LARGE1: variants seen among roughly 807,000 people sequenced by gnomAD.
LARGE1 encodes xylosyl- and glucuronyltransferase LARGE1.
A neutral mutation model predicts 87.6 loss-of-function variants in LARGE1; 43 were observed. The observed-to-expected ratio is 0.49, with a 90% CI of 0.38 to 0.63. The LOEUF (loss-of-function observed/expected upper bound fraction) is 0.63, where lower values mean the gene tolerates loss of function less well. LARGE1 is among the 30% of genes least tolerant of loss of function. The probability of loss-of-function intolerance (pLI) is 0.00; values close to 1 mark genes in which losing one functional copy is unlikely to be tolerated. For missense variants in LARGE1, 802 were observed against 1,000.2 expected (o/e 0.80, Z 2.67); for synonymous variants, 434 against 394.6 (o/e 1.10, Z -1.18).
intron 9 of LARGE1, among the ~76,000 whole-genome samples, chr22:33,339,809 G>C (rs1365814336): frequency 6.6e-6 from 1 of 152,028 alleles, no homozygotes; most frequent in Non-Finnish European, 1.5e-5. Flanking sequence ...GCTGGGACCA[G>C]GCACATGCCA....
chr22:33,719,425 C>T (rs2149433307), intron 2 of LARGE1, among the ~76,000 whole-genome samples: 1 of 152,214 alleles, frequency 6.6e-6, no homozygotes, highest in Non-Finnish European at 1.5e-5. Context: ...CTGACTCACC[C>T]AGAGAAAGAA....
intron 6 of LARGE1, among the ~76,000 whole-genome samples, chr22:33,469,230 A>G (rs2068733115): frequency 6.6e-6 from 1 of 152,222 alleles, no homozygotes; most frequent in Non-Finnish European, 1.5e-5. Context: ...ACACATGCAC[A>G]CATAGGTTCA....
At chr22:33,607,724 G>C (rs2079307322) in intron 4 of LARGE1, among the ~76,000 whole-genome samples, 1 of 152,168 alleles carries the variant, frequency 6.6e-6, no homozygotes, top group Non-Finnish European at 1.5e-5. Context: ...GCTGCTGAAT[G>C]GGTGGGTCTA....
chr22:33,436,730 T>C (rs917414828), intron 6 of LARGE1: 2 of 152,586 alleles, frequency 1.3e-5, no homozygotes, highest in African/African-American at 2.4e-5. Flanking sequence ...CTGTCCCTTC[T>C]TCCAGGAGCC....
the LARGE1 span, among the ~76,000 whole-genome samples, chr22:33,154,645 T>TTC: frequency 3.3e-5 from 5 of 152,350 alleles, no homozygotes; most frequent in South Asian, 1.0e-3. Flanking sequence ...TCATCACTCT[T>TTC]TCTTCCTTTC....
At chr22:33,153,917 C>A in the LARGE1 span, among the ~76,000 whole-genome samples, 8 of 152,142 alleles carry the variant, frequency 5.3e-5, no homozygotes, top group African/African-American at 1.7e-4. Flanking sequence ...GTGAAACCAT[C>A]ATTCTCTAAG....
chr22:33,205,149 CA>C (rs1204234756), intron 11 of LARGE1, among the ~76,000 whole-genome samples: 1 of 152,190 alleles, frequency 6.6e-6, no homozygotes, highest in Non-Finnish European at 1.5e-5. Context: ...AGACCTGTCT[CA>C]GATGCTACCC....
intron 6 of LARGE1, among the ~76,000 whole-genome samples, chr22:33,537,636 G>T (rs746940759): frequency 6.6e-6 from 1 of 152,028 alleles, no homozygotes; most frequent in Non-Finnish European, 1.5e-5. Context: ...GCGCAGTCTC[G>T]GTTCATTCCA....
chr22:33,324,058 C>T (rs1029930368), intron 10 of LARGE1, among the ~76,000 whole-genome samples: 3 of 151,464 alleles, frequency 2.0e-5, no homozygotes, highest in Non-Finnish European at 2.9e-5. Flanking sequence ...GTGGGGAAAC[C>T]CCATCTCTAC....
chr22:33,918,441 T>C (rs188799242), intron 1 of LARGE1, among the ~76,000 whole-genome samples: 1 of 152,358 alleles, frequency 6.6e-6, no homozygotes. Context: ...GTGAGTTTTC[T>C]TCCTGGTATG....
intron 6 of LARGE1, among the ~76,000 whole-genome samples, chr22:33,519,998 C>CTTTTTTTTTTTTTTTTTTTTTTT (rs397868082): frequency 1.0e-5 from 1 of 97,254 alleles, no homozygotes; most frequent in Non-Finnish European, 2.0e-5. Context: ...TGGTTTTTCT[C>CTTTTTTTTTTTTTTTTTTTTTTT]TTTTTTTTTT....
chr22:33,158,718 C>T (rs1302677109), downstream of LARGE1, among the ~76,000 whole-genome samples: 1 of 152,176 alleles, frequency 6.6e-6, no homozygotes, highest in East Asian at 1.9e-4. Flanking sequence ...ATGTCTTCTG[C>T]TATCACTTGC....
chr22:33,787,554 C>T lies in LARGE1; in HGVS notation c.-82-25996G>A, dbSNP rs377112233. The stretch of plus-strand genomic sequence containing the variant: ...TCCAAGTCAACTCCAAAGTCTTCTT[C>T]CAGACCCCATTCACCACAGGCTTTC... On this transcript the variant is annotated intron_variant, in intron 1 of 14. Coordinates refer to ENST00000397394, the MANE Select transcript of LARGE1 (RefSeq NM_133642.5). 5.1e-4 allele frequency among the ~76,000 whole-genome samples: 78 copies of T among 152,354 alleles called. 1 individual carries two copies. Among genetic ancestry groups the T allele is most frequent in the African/African-American group, 1.8e-3 (73 of 41,590 alleles).
intron 7 of LARGE1, among the ~76,000 whole-genome samples, chr22:33,392,091 C>T (rs1316119497): frequency 1.3e-5 from 2 of 151,790 alleles, no homozygotes; most frequent in African/African-American, 4.8e-5. Flanking sequence ...TTCCTATAAC[C>T]AATATCCTCA....
intron 2 of LARGE1, among the ~76,000 whole-genome samples, chr22:33,740,812 C>T (rs2083853466): frequency 6.6e-6 from 1 of 152,174 alleles, no homozygotes; most frequent in African/African-American, 2.4e-5. Context: ...AAAGCAAAAA[C>T]AGTTCATGCC....
the LARGE1 span, among the ~76,000 whole-genome samples, chr22:33,104,891 CTTTCTT>C: frequency 1.5e-3 from 68 of 45,880 alleles, 1 homozygote; most frequent in African/African-American, 5.4e-3. Context: ...CTTTCTCTCT[CTTTCTT>C]TCTTTCTTTC....
intron 11 of LARGE1, among the ~76,000 whole-genome samples, chr22:33,218,969 C>T (rs1925335895): frequency 6.6e-6 from 1 of 152,170 alleles, no homozygotes; most frequent in Admixed American, 6.5e-5. Context: ...ATTTAAGAAT[C>T]AGTTGTGCCT....
intron 1 of LARGE1, among the ~76,000 whole-genome samples, chr22:33,794,419 C>T (rs979842058): frequency 3.3e-5 from 5 of 152,234 alleles, no homozygotes; most frequent in Middle Eastern, 3.4e-3. Flanking sequence ...GAACTGCTCT[C>T]GAAGAGGAGC....
At chr22:33,073,939 G>A in the LARGE1 span, among the ~76,000 whole-genome samples, 1 of 152,092 alleles carries the variant, frequency 6.6e-6, no homozygotes, top group Non-Finnish European at 1.5e-5. Context: ...CAGCATGAGG[G>A]CATCCACATC....
Sources: allele counts gnomAD v4.1 joint callset (sites outside exome capture counted in the v4.1 genomes callset), GRCh38; gene constraint gnomAD v4.1.1; transcripts MANE v1.5; gene names NCBI Gene and HGNC (gene_info 2026-07-23, HGNC 2026-07-21).